PCDH15: variants seen among roughly 807,000 people sequenced by gnomAD.
PCDH15 encodes protocadherin related 15, also known as protocadherin-15.
PCDH15 carries 129 observed loss-of-function variants against 178.5 expected under a neutral mutation model. The observed-to-expected ratio is 0.72, with a 90% CI of 0.63 to 0.84. The LOEUF is 0.84. PCDH15 is among the 40% of genes least tolerant of loss of function. The probability of loss-of-function intolerance (pLI) is 0.00; values close to 1 mark genes in which losing one functional copy is unlikely to be tolerated. For synonymous variants in PCDH15, 800 were observed against 732.0 expected (o/e 1.09, Z -1.50); for missense variants, 2,230 against 2,099.9 (o/e 1.06, Z -1.21).
intron 3 of PCDH15, among the ~76,000 whole-genome samples, chr10:54,494,032 A>G (rs1208707976): frequency 1.4e-3 from 192 of 138,794 alleles, no homozygotes; most frequent in Admixed American, 2.2e-3. Context: ...TGGGAATTGA[A>G]CAATGAGAAC....
intron 2 of PCDH15, among the ~76,000 whole-genome samples, chr10:54,657,680 A>G (rs1421697273): frequency 2.6e-5 from 4 of 152,212 alleles, no homozygotes; most frequent in Non-Finnish European, 5.9e-5. Context: ...ACATCATAAC[A>G]TAAATCACAG....
chr10:53,831,600 C>T, intron 29 of PCDH15, 67 bp from the exon 30 acceptor site: 1 of 1,190,342 alleles, frequency 8.4e-7, no homozygotes, highest in Non-Finnish European at 1.2e-6. Flanking sequence ...AAAATAAAAT[C>T]TTTTTGTAAG....
In PCDH15 at chr10:54,584,253, G is replaced by C. The variant is rs144133147; in HGVS notation, c.92-56376C>G. Among the ~76,000 whole-genome samples the C allele has an allele frequency of 9.9e-5, 15 of 152,150 alleles. No individual in the cohort carries two copies. The East Asian group carries it at 2.9e-3, about 29-fold the overall frequency. On this transcript the variant is annotated intron_variant, in intron 2 of 37. Coordinates refer to ENST00000644397, the MANE Select transcript of PCDH15 (RefSeq NM_001384140.1). ...AAACAATGAAAATAAAATTAGTCAT[G>C]TGTGGTAGTGCCCACCTGTAGTCCT...
chr10:54,386,183 C>T (rs956577869), intron 3 of PCDH15, among the ~76,000 whole-genome samples: 6 of 149,302 alleles, frequency 4.0e-5, no homozygotes, highest in Admixed American at 3.4e-4. Context: ...TTTGGCTTCC[C>T]TAGGCCACAG....
At chr10:54,023,311 C>T (rs1011300817) in intron 18 of PCDH15, 114 bp from the exon 19 acceptor site, 21 of 941,820 alleles carry the variant, frequency 2.2e-5, no homozygotes, top group Non-Finnish European at 2.9e-5. Context: ...TTATTTGGCC[C>T]TCTAAGGAGG....
intron 2 of PCDH15, among the ~76,000 whole-genome samples, chr10:55,529,775 A>ATATATATATATATATG: frequency 7.2e-6 from 1 of 139,314 alleles, no homozygotes; most frequent in Non-Finnish European, 1.5e-5. Context: ...ATATATATAT[A>ATATATATATATATATG]TATTTGATTA....
chr10:55,064,849 A>T (rs958500186), intron 2 of PCDH15, among the ~76,000 whole-genome samples: 1 of 152,106 alleles, frequency 6.6e-6, no homozygotes, highest in Non-Finnish European at 1.5e-5. Context: ...AAGGTGCTAA[A>T]CTATTATCAT....
At chr10:55,079,534 T>C (rs986164156) in intron 2 of PCDH15, among the ~76,000 whole-genome samples, 2 of 152,124 alleles carry the variant, frequency 1.3e-5, no homozygotes, top group South Asian at 4.1e-4. Flanking sequence ...GTGTAGCTTA[T>C]TGATACCACC....
intron 1 of PCDH15, among the ~76,000 whole-genome samples, chr10:55,277,545 CA>C (rs1842624702): frequency 6.6e-6 from 1 of 152,016 alleles, no homozygotes. Flanking sequence ...AGAACCTGTA[CA>C]CCACTGTGAT....
chr10:55,473,409 C>T (rs2132109621), intron 2 of PCDH15, among the ~76,000 whole-genome samples: 1 of 152,014 alleles, frequency 6.6e-6, no homozygotes, highest in Non-Finnish European at 1.5e-5. Flanking sequence ...GCAATCTCAG[C>T]AATAAGAATT....
chr10:54,567,799 T>A (rs1050183065), intron 2 of PCDH15, among the ~76,000 whole-genome samples: 3 of 152,120 alleles, frequency 2.0e-5, no homozygotes, highest in Non-Finnish European at 4.4e-5. Context: ...AGTAACTTTA[T>A]TGAGATGTCA....
intron 3 of PCDH15, among the ~76,000 whole-genome samples, chr10:54,470,382 C>T (rs192666107): frequency 6.6e-6 from 1 of 152,054 alleles, no homozygotes. Flanking sequence ...CAGTAGCCAC[C>T]AGTGGTGCCT....
intron 26 of PCDH15, among the ~76,000 whole-genome samples, chr10:53,869,306 A>T (rs1282512274): frequency 6.6e-6 from 1 of 152,174 alleles, no homozygotes; most frequent in Non-Finnish European, 1.5e-5. Context: ...TTTTGTACTT[A>T]AACTTTGAAC....
chr10:54,814,786 C>T (rs1406606147), intron 3 of PCDH15, among the ~76,000 whole-genome samples: 3 of 152,140 alleles, frequency 2.0e-5, no homozygotes, highest in Non-Finnish European at 4.4e-5. Context: ...ATAATTCCCA[C>T]ATGCTTAGCG....
At chr10:54,125,944 A>G (rs56944779) in intron 15 of PCDH15, among the ~76,000 whole-genome samples, 4,942 of 152,236 alleles carry the variant, frequency 0.032, 263 homozygotes, top group African/African-American at 0.11. Context: ...CTCCTCTTTT[A>G]CATTTCATTT....
rs376077699 is a variant in PCDH15 at position 54,957,027 on chromosome 10, C to T, written c.-79-59527G>A. On this transcript the variant is annotated intron_variant, in intron 2 of 5. Transcript: ENST00000458638. ...TTTGGTATGACAGAAAAAAAATGCC[C>T]TGTACTGAGTTATAAGACTGCTATT... 2.0e-5 allele frequency among the ~76,000 whole-genome samples: 3 copies of T among 151,718 alleles called. No homozygotes were observed. The East Asian group carries it at 5.8e-4, about 29-fold the overall frequency.
chr10:54,525,551 C>G (rs1279568583), intron 3 of PCDH15, among the ~76,000 whole-genome samples: 6 of 152,170 alleles, frequency 3.9e-5, no homozygotes, highest in East Asian at 1.9e-4. Context: ...CCTGGCCTCC[C>G]AGGTTCAAGT....
chr10:53,859,647 C>G (rs2078975491), intron 27 of PCDH15, among the ~76,000 whole-genome samples: 1 of 152,078 alleles, frequency 6.6e-6, no homozygotes, highest in African/African-American at 2.4e-5. Context: ...AATTATCTGA[C>G]TCTTGCAGCG....
At chr10:54,891,402 T>C (rs947756666) in intron 3 of PCDH15, among the ~76,000 whole-genome samples, 2 of 152,100 alleles carry the variant, frequency 1.3e-5, no homozygotes, top group African/African-American at 4.8e-5. Context: ...AGGATTCAGA[T>C]CTAGCGATCT....
Sources: gnomAD v4.1 joint callset for allele counts (sites outside exome capture counted in the v4.1 genomes callset) on GRCh38, gnomAD v4.1.1 for gene constraint, MANE v1.5 for transcripts, NCBI Gene and HGNC (gene_info 2026-07-23, HGNC 2026-07-21) for gene names.